ZNF782: variants seen among roughly 807,000 people sequenced by gnomAD.
ZNF782 encodes zinc finger protein 782.
ZNF782 carries 12 observed loss-of-function variants against 13.0 expected under a neutral mutation model. The ratio of observed to expected loss-of-function variants is 0.92; its 90% CI spans 0.59 to 1.50. The LOEUF is 1.50. Among genes scored for constraint, ZNF782 ranks in the 40% most tolerant of loss-of-function variants. The pLI is 0.00. For synonymous variants in ZNF782, 284 were observed against 283.0 expected (o/e 1.00, Z -0.04); for missense variants, 770 against 822.9 (o/e 0.94, Z 0.79).
At chr9:96,923,267 C>T in the ZNF782 span, among the ~76,000 whole-genome samples, 19 of 150,382 alleles carry the variant, frequency 1.3e-4, no homozygotes, top group African/African-American at 4.6e-4. Flanking sequence ...AAACATGCCA[C>T]CTCATATCCC....
At chr9:96,918,010 G>A in the ZNF782 span, among the ~76,000 whole-genome samples, 2 of 150,988 alleles carry the variant, frequency 1.3e-5, no homozygotes, top group African/African-American at 4.9e-5. Flanking sequence ...CTGAAGTGCT[G>A]GGATTGTACG....
chr9:96,848,583 C>T (rs934646566), intron 3 of ZNF782, among the ~76,000 whole-genome samples: 5 of 151,828 alleles, frequency 3.3e-5, no homozygotes, highest in African/African-American at 1.2e-4. Context: ...CAAAATAACA[C>T]CACCACCACC....
chr9:96,851,811 G>C lies in ZNF782; in HGVS notation c.15+136C>G, dbSNP rs1320333639. On this transcript the variant is annotated intron_variant, in intron 3 of 5. Transcript: ENST00000481138. The stretch of plus-strand genomic sequence containing the variant: ...ACTAACCCTGACAAAGCTGACAGCA[G>C]AGTTCATGGTGAAACTGTATATATT... 1.6e-5 allele frequency: 14 copies of C among 882,256 alleles called. No homozygotes were observed. The East Asian group carries it at 3.1e-4, about 20-fold the overall frequency. 54.7% of individuals were successfully genotyped at this position (882,256 alleles called of 1,614,324 possible).
In ZNF782 at chr9:96,874,076, T is replaced by C. The variant is rs1320279004; in HGVS notation, c.-457+1392A>G. Among the ~76,000 whole-genome samples the C allele has an allele frequency of 4.6e-5, 7 of 152,214 alleles. No homozygotes were observed. The East Asian group carries it at 1.2e-3, about 25-fold the overall frequency. The stretch of plus-strand genomic sequence containing the variant: ...TTTTTAACTCTGGTATTGTGTGAAC[T>C]AAAACTTTTACCTCTTCATTACAAG... On this transcript the variant is annotated intron_variant, in intron 1 of 5. Coordinates refer to the ZNF782 transcript ENST00000498811.
chr9:96,928,959 C>T, the ZNF782 span: 1 of 1,569,974 alleles, frequency 6.4e-7, no homozygotes, highest in Non-Finnish European at 8.7e-7. Context: ...CTCTCTGGGT[C>T]CTGCCCTTGA....
At chr9:96,877,701 G>A (rs891356419), upstream of ZNF782, among the ~76,000 whole-genome samples, 4 of 152,196 alleles carry the variant, frequency 2.6e-5, no homozygotes, top group African/African-American at 9.6e-5. Flanking sequence ...CCGGGACAGC[G>A]GGAAAGAAAC....
At chr9:96,894,493 T>C in the ZNF782 span, 1 of 152,170 alleles carries the variant, frequency 6.6e-6, no homozygotes, top group African/African-American at 2.4e-5. Context: ...CTTTCCTTAC[T>C]CTTGAAGTTT....
the ZNF782 span, chr9:96,928,334 TAA>T: frequency 4.5e-6 from 1 of 223,276 alleles, no homozygotes; most frequent in African/African-American, 2.4e-5. Flanking sequence ...GGACGGGAAG[TAA>T]GGCTGGCCTA....
At chr9:96,880,712 T>C in the ZNF782 span, among the ~76,000 whole-genome samples, 2 of 152,194 alleles carry the variant, frequency 1.3e-5, no homozygotes, top group South Asian at 4.1e-4. Context: ...AAACTTTGTG[T>C]CCATGTTCAG....
chr9:96,845,340 C>T (rs1284392614), intron 3 of ZNF782, among the ~76,000 whole-genome samples: 5 of 152,186 alleles, frequency 3.3e-5, no homozygotes, highest in Admixed American at 2.0e-4. Flanking sequence ...CGGCTCACTG[C>T]AACCTCCGCA....
upstream of ZNF782, among the ~76,000 whole-genome samples, chr9:96,855,143 T>A (rs949903116): frequency 6.6e-6 from 1 of 152,226 alleles, no homozygotes; most frequent in Non-Finnish European, 1.5e-5. Flanking sequence ...TTGGTTTTTA[T>A]CCCTTAACAT....
upstream of ZNF782, among the ~76,000 whole-genome samples, chr9:96,879,194 A>C (rs1851932260): frequency 6.6e-6 from 1 of 152,240 alleles, no homozygotes; most frequent in East Asian, 1.9e-4. Context: ...GTTAAGAAAC[A>C]ATGGGATACT....
At chr9:96,865,066 G>A (rs1171289777) in intron 1 of ZNF782, among the ~76,000 whole-genome samples, 2 of 151,886 alleles carry the variant, frequency 1.3e-5, no homozygotes, top group African/African-American at 4.8e-5. Flanking sequence ...AAAAAAAAAT[G>A]AGAAAACACC....
chr9:96,884,466 T>G, the ZNF782 span, among the ~76,000 whole-genome samples: 1 of 152,272 alleles, frequency 6.6e-6, no homozygotes, highest in East Asian at 1.9e-4. Flanking sequence ...TTTCCTGATA[T>G]CAACAATATG....
At chr9:96,879,737 T>C (rs1008401945), upstream of ZNF782, among the ~76,000 whole-genome samples, 1 of 152,244 alleles carries the variant, frequency 6.6e-6, no homozygotes, top group African/African-American at 2.4e-5. Context: ...TTTCGCTCTT[T>C]TGGAGCAATT....
the ZNF782 span, among the ~76,000 whole-genome samples, chr9:96,896,276 C>T: frequency 2.6e-5 from 4 of 152,162 alleles, no homozygotes; most frequent in Admixed American, 6.5e-5. Context: ...AATACACCTT[C>T]GTTGTCCTAC....
At chr9:96,907,503 T>C in the ZNF782 span, among the ~76,000 whole-genome samples, 17 of 152,424 alleles carry the variant, frequency 1.1e-4, no homozygotes, top group South Asian at 1.9e-3. Context: ...ACATGTAGTT[T>C]ACCGCAATTT....
intron 1 of ZNF782, among the ~76,000 whole-genome samples, chr9:96,873,965 T>C (rs1851859985): frequency 6.6e-6 from 1 of 152,206 alleles, no homozygotes; most frequent in Non-Finnish European, 1.5e-5. Flanking sequence ...CACAAGACTA[T>C]GAAAAAGATT....
At chr9:96,859,335 T>G (rs796311290), upstream of ZNF782, among the ~76,000 whole-genome samples, 1 of 152,032 alleles carries the variant, frequency 6.6e-6, no homozygotes, top group Non-Finnish European at 1.5e-5. Flanking sequence ...CCTCCAACCC[T>G]AGACAGTGCA....
Sources: gnomAD v4.1 joint callset for allele counts (sites outside exome capture counted in the v4.1 genomes callset) on GRCh38, gnomAD v4.1.1 for gene constraint, MANE v1.5 for transcripts, NCBI Gene and HGNC (gene_info 2026-07-23, HGNC 2026-07-21) for gene names.